The following SLCO3A1 variants were observed in gnomAD, a reference collection of about 807,000 sequenced individuals.
The protein encoded by SLCO3A1 is PGE1 transporter.
A neutral mutation model predicts 63.1 loss-of-function variants in SLCO3A1; 27 were observed. That is an observed-to-expected ratio of 0.43 (90% CI 0.32 to 0.59). SLCO3A1 has a LOEUF of 0.59. SLCO3A1 is among the 20% of genes least tolerant of loss of function. The pLI is 0.09. For synonymous variants in SLCO3A1, 473 were observed against 409.9 expected, an observed-to-expected ratio of 1.15 and a Z score of -1.86; for missense variants, 773 against 945.8, an observed-to-expected ratio of 0.82 and a Z score of 2.40.
At chr15:92,026,722 C>T (rs919998739) in intron 2 of SLCO3A1, among the ~76,000 whole-genome samples, 4 of 152,150 alleles carry the variant, frequency 2.6e-5, no homozygotes, top group African/African-American at 9.7e-5. Flanking sequence ...GTTTTCATTA[C>T]ACTGGTAAAG....
intron 2 of SLCO3A1, among the ~76,000 whole-genome samples, chr15:91,934,726 G>C (rs1899348017): frequency 6.6e-6 from 1 of 152,162 alleles, no homozygotes; most frequent in African/African-American, 2.4e-5. Flanking sequence ...AAGCATTGAT[G>C]AATTTCATTA....
chr15:91,923,905 G>T (rs972484830), intron 2 of SLCO3A1, among the ~76,000 whole-genome samples: 5 of 152,146 alleles, frequency 3.3e-5, no homozygotes, highest in African/African-American at 1.2e-4. Flanking sequence ...TAGAAATGCT[G>T]GAATTTGCTA....
intron 2 of SLCO3A1, among the ~76,000 whole-genome samples, chr15:91,937,666 C>G (rs930562169): frequency 2.0e-5 from 3 of 150,096 alleles, no homozygotes; most frequent in Non-Finnish European, 4.4e-5. Context: ...TTGCAGTGAG[C>G]CAAGATCATG....
downstream of SLCO3A1, among the ~76,000 whole-genome samples, chr15:92,168,295 G>A (rs1038546464): frequency 6.6e-6 from 1 of 152,176 alleles, no homozygotes; most frequent in African/African-American, 2.4e-5. Flanking sequence ...GGGGAAGCAG[G>A]GTGAGAAGAT....
At chr15:92,030,136 G>T (rs1029900396) in intron 2 of SLCO3A1, among the ~76,000 whole-genome samples, 1 of 152,202 alleles carries the variant, frequency 6.6e-6, no homozygotes, top group African/African-American at 2.4e-5. Flanking sequence ...AATTGAATGC[G>T]ATCCTCCTGT....
intron 2 of SLCO3A1, among the ~76,000 whole-genome samples, chr15:92,057,705 A>G (rs920849234): frequency 6.6e-6 from 1 of 152,320 alleles, no homozygotes; most frequent in East Asian, 1.9e-4. Context: ...CTAGAACCTC[A>G]TGTGCCAGCC....
intron 1 of SLCO3A1, among the ~76,000 whole-genome samples, chr15:91,907,663 G>A (rs1436577078): frequency 6.6e-6 from 1 of 152,090 alleles, no homozygotes; most frequent in Non-Finnish European, 1.5e-5. Flanking sequence ...GGGATTACAA[G>A]CATGTGCCAC....
At chr15:92,068,464 C>T (rs2047177534) in intron 2 of SLCO3A1, among the ~76,000 whole-genome samples, 1 of 152,208 alleles carries the variant, frequency 6.6e-6, no homozygotes, top group Admixed American at 6.5e-5. Flanking sequence ...AGCCCAACCA[C>T]ACTGGGATGC....
intron 7 of SLCO3A1, among the ~76,000 whole-genome samples, chr15:92,143,207 C>T (rs2151583262): frequency 6.8e-6 from 1 of 146,378 alleles, no homozygotes; most frequent in African/African-American, 2.5e-5. Context: ...CCATATGGTT[C>T]TAAGAACTTC....
At chr15:91,926,834 G>A (rs1274855408) in intron 2 of SLCO3A1, among the ~76,000 whole-genome samples, 5 of 152,086 alleles carry the variant, frequency 3.3e-5, no homozygotes, top group Non-Finnish European at 7.3e-5. Flanking sequence ...GGAGATTTAC[G>A]TGTATATGTA....
chr15:91,957,261 C>A lies in SLCO3A1; in HGVS notation c.646+40803C>A, dbSNP rs554965758. On this transcript the variant is annotated intron_variant, in intron 2 of 9. Coordinates refer to ENST00000318445, the MANE Select transcript of SLCO3A1 (RefSeq NM_013272.4). ...TGGCTAGGATGACAGGCATGAACCA[C>A]CGGACCTGGCTGCCTCCTTGACTTC... 1.7e-3 allele frequency among the ~76,000 whole-genome samples: 242 copies of A among 141,630 alleles called. 1 individual carries two copies. The highest frequency in any genetic ancestry group is 6.3e-3 in the African/African-American group (235 of 37,210). The allele number at this position is 141,630 out of a possible 152,430, so 92.9% of individuals were successfully genotyped here. A position where few individuals can be genotyped will look rare whatever the true frequency, so the allele number is the denominator to read the frequency against.
In SLCO3A1 at chr15:91,982,778, C is replaced by T. The variant is rs574125599; in HGVS notation, c.646+66320C>T. Among the ~76,000 whole-genome samples, 9 of 152,378 alleles carry T rather than the reference C, an allele frequency of 5.9e-5. No homozygotes were observed. The South Asian group carries it at 1.9e-3, about 32-fold the overall frequency. The stretch of plus-strand genomic sequence containing the variant: ...GGACAGGTGTTGCACACCAGCCCTA[C>T]AGGAGGTGTTTAATGGATGCTGGTG... On this transcript the variant is annotated intron_variant, in intron 2 of 9. Transcript: ENST00000318445.
At chr15:92,017,355 T>C (rs1002022649) in intron 2 of SLCO3A1, among the ~76,000 whole-genome samples, 1 of 152,088 alleles carries the variant, frequency 6.6e-6, no homozygotes, top group South Asian at 2.1e-4. Context: ...GGGATCCTTA[T>C]ATAAACTTAA....
intron 2 of SLCO3A1, among the ~76,000 whole-genome samples, chr15:92,075,893 G>C (rs1282067142): frequency 6.6e-6 from 1 of 152,162 alleles, no homozygotes; most frequent in Non-Finnish European, 1.5e-5. Flanking sequence ...GTCTGTACTT[G>C]CCTCACAGTA....
rs141699763 is a variant in SLCO3A1, at chr15:92,154,507, A to C, written c.1753+3493A>C. Among the ~76,000 whole-genome samples the C allele has an allele frequency of 7.9e-3, 1,197 of 152,338 alleles. 10 individuals carry two copies. The highest frequency in any genetic ancestry group is 0.016 in the South Asian group (78 of 4,828). On this transcript the variant is annotated intron_variant, in intron 9 of 9. Transcript: ENST00000318445. ...TAGGTGGATGTGGCCAGTGTCTGCC[A>C]TACTGGACAATGAGGGGGCCATCTT...
chr15:91,996,685 C>G (rs977926272), intron 2 of SLCO3A1, among the ~76,000 whole-genome samples: 11 of 152,032 alleles, frequency 7.2e-5, no homozygotes, highest in African/African-American at 2.7e-4. Context: ...TGCTCAAAAA[C>G]CAACCCATAC....
At chr15:92,018,076 G>A (rs2046461829) in intron 2 of SLCO3A1, among the ~76,000 whole-genome samples, 1 of 152,204 alleles carries the variant, frequency 6.6e-6, no homozygotes, top group Non-Finnish European at 1.5e-5. Flanking sequence ...GTGGTTGAGG[G>A]CTGGGCTGTG....
At chr15:91,959,831 T>G (rs896743419) in intron 2 of SLCO3A1, among the ~76,000 whole-genome samples, 3 of 152,146 alleles carry the variant, frequency 2.0e-5, no homozygotes, top group Admixed American at 2.0e-4. Flanking sequence ...TTAAAACATT[T>G]TCATCACCCC....
In SLCO3A1 at chr15:91,854,203, C is replaced by T; in HGVS notation, c.180+115C>T. The T allele has an allele frequency of 8.6e-7, 1 of 1,158,768 alleles. No homozygotes were observed. The highest frequency in any genetic ancestry group is 3.1e-5 in the South Asian group (1 of 32,432). The allele number at this position is 1,158,768 out of a possible 1,614,324, so 71.8% of individuals were successfully genotyped here. ...TGGGGGCAGGCGGGCATGACCTCGG[C>T]CCGGCGTGGAGGTTGGCGAGTGGTG... On this transcript the variant is annotated intron_variant, in intron 1 of 9. Coordinates refer to ENST00000318445, the MANE Select transcript of SLCO3A1 (RefSeq NM_013272.4). This position sits in a 1 kb window ranked among gnomAD's most constrained non-coding sequence, Gnocchi z 6.4.
Sources: allele counts gnomAD v4.1 joint callset (sites outside exome capture counted in the v4.1 genomes callset), GRCh38; gene constraint gnomAD v4.1.1; non-coding constraint Gnocchi (gnomAD v3.1); transcripts MANE v1.5; gene names NCBI Gene and HGNC (gene_info 2026-07-23, HGNC 2026-07-21).